The following DYRK1A variants were observed in gnomAD, a reference collection of about 807,000 sequenced individuals.
DYRK1A encodes dual specificity tyrosine phosphorylation regulated kinase 1A.
Under a neutral mutation model 79.7 loss-of-function variants are expected in DYRK1A, and 9 were observed. The ratio of observed to expected loss-of-function variants is 0.11; its 90% CI spans 0.07 to 0.20. The LOEUF is 0.20. DYRK1A is among the 10% of genes least tolerant of loss of function. The probability of loss-of-function intolerance (pLI) is 1.00; values close to 1 mark genes in which losing one functional copy is unlikely to be tolerated. For missense variants in DYRK1A, 622 were observed against 956.0 expected (o/e 0.65, Z 4.61); for synonymous variants, 349 against 329.7 (o/e 1.06, Z -0.63).
Position 37,480,679 on chromosome 21 carries a change from G to A in DYRK1A, c.342G>A (p.Gln114=), listed in dbSNP as rs1401457586. The part of the protein sequence containing the change: ...AKKKRRHQQG[Q]GDDSSHKKER... ...AGAAGCGAAGACACCAACAGGGCCA[G>A]GGAGACGATTCTAGTCATAAGAAGG... is the stretch of plus-strand genomic sequence containing the variant. Residue 114 remains glutamine, a synonymous_variant, in exon 5 of 12, where the codon CAG becomes CAA. Coordinates refer to ENST00000647188, the MANE Select transcript of DYRK1A (RefSeq NM_001347721.2). 6.2e-7 allele frequency: 1 copy of A among 1,611,188 alleles called. No individual in the cohort carries two copies.
rs528689864 is a variant in DYRK1A at position 37,520,908 on chromosome 21, G to A, written c.*8377G>A. ...GCTACTGTATTCCAATTGAGTGGTG[G>A]TTTGCTCTTCACAGAGCGCTTACAT... On this transcript the variant is annotated 3_prime_UTR_variant, in exon 12 of 12. Transcript: ENST00000647188. 6.6e-6 allele frequency: 1 copy of A among 152,372 alleles called. No individual in the cohort carries two copies. The highest frequency in any genetic ancestry group is 1.9e-4 in the East Asian group (1 of 5,172). The allele number at this position is 152,372 out of a possible 1,614,324, so 9.4% of individuals were successfully genotyped here.
At chr21:37,445,900 T>A (rs1350400045) in intron 2 of DYRK1A, among the ~76,000 whole-genome samples, 1 of 152,118 alleles carries the variant, frequency 6.6e-6, no homozygotes, top group African/African-American at 2.4e-5. Flanking sequence ...TCCCAGCACT[T>A]TGGGAGGTTG....
At chr21:37,500,489 T>C (rs925230569) in intron 9 of DYRK1A, among the ~76,000 whole-genome samples, 11 of 152,306 alleles carry the variant, frequency 7.2e-5, no homozygotes, top group Admixed American at 7.2e-4. Flanking sequence ...TGTGAAACTA[T>C]TAGGAAATAT....
intron 3 of DYRK1A, among the ~76,000 whole-genome samples, chr21:37,475,479 A>G (rs934064594): frequency 1.4e-4 from 21 of 152,264 alleles, no homozygotes; most frequent in African/African-American, 4.8e-4. Context: ...AATTCTGGAT[A>G]TGTACTAATG....
At chr21:37,392,378 T>C (rs576382148) in intron 1 of DYRK1A, among the ~76,000 whole-genome samples, 1 of 152,384 alleles carries the variant, frequency 6.6e-6, no homozygotes, top group African/African-American at 2.4e-5. Flanking sequence ...TTATCATATA[T>C]AGCATTTATA....
chr21:37,452,872 C>T (rs971105957), intron 2 of DYRK1A, among the ~76,000 whole-genome samples: 5 of 149,782 alleles, frequency 3.3e-5, no homozygotes, highest in Admixed American at 6.7e-5. Flanking sequence ...ATGTTAAGAG[C>T]GTTGTCTGGA....
chr21:37,522,931 C>G lies in DYRK1A; in HGVS notation c.*10400C>G, dbSNP rs2053944536. On this transcript the variant is annotated 3_prime_UTR_variant, in exon 12 of 12. Coordinates refer to ENST00000647188, the MANE Select transcript of DYRK1A (RefSeq NM_001347721.2). ...CTGCAGCAGCAGCAGCTCCAGGGTG[C>G]TGGGACACTGCTGGGTGACGCTCCA... 1 of 152,414 alleles carries G rather than the reference C, an allele frequency of 6.6e-6. No homozygotes were observed. Among genetic ancestry groups the G allele is most frequent in the Non-Finnish European group, 1.5e-5 (1 of 68,170 alleles). The allele number at this position is 152,414 out of a possible 1,614,324, so 9.4% of individuals were successfully genotyped here.
intron 2 of DYRK1A, among the ~76,000 whole-genome samples, chr21:37,444,347 A>T (rs1293311852): frequency 1.3e-5 from 2 of 152,104 alleles, no homozygotes. Context: ...TTTAAGAAAG[A>T]TCAGTAACTG....
chr21:37,505,736 T>A (rs1340928229), intron 10 of DYRK1A, 147 bp downstream of exon 10: 1 of 904,862 alleles, frequency 1.1e-6, no homozygotes, highest in Non-Finnish European at 1.6e-6. Flanking sequence ...TAGTAGTAAA[T>A]TCATCTCCCC....
At chr21:37,499,294 G>A (rs945983188) in intron 9 of DYRK1A, among the ~76,000 whole-genome samples, 2 of 152,068 alleles carry the variant, frequency 1.3e-5, no homozygotes, top group African/African-American at 2.4e-5. Context: ...ATTTTTGAGC[G>A]TGGAACAGGG....
intron 2 of DYRK1A, among the ~76,000 whole-genome samples, chr21:37,433,530 C>G (rs1422493928): frequency 2.6e-5 from 4 of 152,216 alleles, no homozygotes; most frequent in African/African-American, 7.2e-5. Context: ...TTATTTCTCT[C>G]TTACCTTTAT....
At chr21:37,496,003 G>C in intron 8 of DYRK1A, 115 bp from the exon 9 acceptor site, 2 of 964,822 alleles carry the variant, frequency 2.1e-6, no homozygotes, top group South Asian at 3.3e-5. Context: ...TGGATGTCTA[G>C]AGGAGTGCCA....
intron 1 of DYRK1A, among the ~76,000 whole-genome samples, chr21:37,408,739 A>C (rs1336909047): frequency 2.6e-5 from 4 of 152,176 alleles, no homozygotes; most frequent in Admixed American, 2.6e-4. Flanking sequence ...AATATTTACA[A>C]ATTTTAACTC....
chr21:37,463,830 G>C (rs1051597307), intron 2 of DYRK1A, among the ~76,000 whole-genome samples: 4 of 152,114 alleles, frequency 2.6e-5, no homozygotes, highest in African/African-American at 9.7e-5. Context: ...ACATAAGCTT[G>C]GTTGCCCTCC....
chr21:37,421,144 C>T (rs913749233), intron 2 of DYRK1A, among the ~76,000 whole-genome samples: 1 of 152,024 alleles, frequency 6.6e-6, no homozygotes, highest in East Asian at 1.9e-4. Context: ...TTTTGTTGAA[C>T]TAAGTGACTT....
At chr21:37,466,108 C>T (rs143333393) in intron 2 of DYRK1A, among the ~76,000 whole-genome samples, 93 of 152,280 alleles carry the variant, frequency 6.1e-4, no homozygotes, top group African/African-American at 1.9e-3. Context: ...AAGGGAACTA[C>T]CTGTTTCTTT....
At chr21:37,448,692 T>G (rs2051349807) in intron 2 of DYRK1A, among the ~76,000 whole-genome samples, 1 of 152,134 alleles carries the variant, frequency 6.6e-6, no homozygotes, top group African/African-American at 2.4e-5. Context: ...ATTTAAAATT[T>G]TTTTTGTTTG....
intron 1 of DYRK1A, among the ~76,000 whole-genome samples, chr21:37,397,770 C>T (rs141455437): frequency 6.6e-6 from 1 of 152,042 alleles, no homozygotes; most frequent in Non-Finnish European, 1.5e-5. Context: ...TAACAAGCCC[C>T]TCAGGGTGAT....
rs567272523 is a variant in DYRK1A, at chr21:37,479,342, T to C, written c.300+1042T>C. On this transcript the variant is annotated intron_variant, in intron 4 of 11. Transcript: ENST00000647188. ...ATATCTGATAAATTGTTGATAACAG[T>C]ATATTAATTTCAATTTGTTATTATC... Among the ~76,000 whole-genome samples the C allele has an allele frequency of 2.0e-5, 3 of 152,258 alleles. No homozygotes were observed. In the East Asian group the frequency reaches 5.8e-4, roughly 29 times the overall value.
Sources: allele counts gnomAD v4.1 joint callset (sites outside exome capture counted in the v4.1 genomes callset), GRCh38; gene constraint gnomAD v4.1.1; transcripts MANE v1.5; gene names NCBI Gene and HGNC (gene_info 2026-07-23, HGNC 2026-07-21).